The following IL1RAPL1 variants were observed in gnomAD, a reference collection of about 807,000 sequenced individuals.
IL1RAPL1 encodes the protein interleukin 1 receptor accessory protein like 1.
A neutral mutation model predicts 48.4 loss-of-function variants in IL1RAPL1; 3 were observed. That is an observed-to-expected ratio of 0.06 (90% CI 0.03 to 0.16). IL1RAPL1 has a LOEUF of 0.16. Ranked by LOEUF, IL1RAPL1 falls within the 10% of genes least tolerant of loss-of-function variation. IL1RAPL1 has a pLI of 1.00. For synonymous variants in IL1RAPL1, 185 were observed against 187.7 expected, an observed-to-expected ratio of 0.99 and a Z score of 0.12; for missense variants, 349 against 530.6, an observed-to-expected ratio of 0.66 and a Z score of 3.36.
chrX:29,273,545 G>A (rs1932074580), intron 2 of IL1RAPL1, among the ~76,000 whole-genome samples: 1 of 111,861 alleles, frequency 8.9e-6, no homozygotes, highest in Admixed American at 9.5e-5. Context: ...GCCACAACAC[G>A]CTGTTGGAGA....
chrX:28,949,199 G>C (rs182184113), intron 2 of IL1RAPL1, among the ~76,000 whole-genome samples: 1 of 110,619 alleles, frequency 9.0e-6, no homozygotes, highest in Non-Finnish European at 1.9e-5. Flanking sequence ...GCTATATTTT[G>C]TGTACTCATC....
intron 1 of IL1RAPL1, among the ~76,000 whole-genome samples, chrX:28,766,959 G>C (rs1219139804): frequency 9.0e-6 from 1 of 111,209 alleles, no homozygotes; most frequent in African/African-American, 3.3e-5. Context: ...CGCTTCAGTT[G>C]CTTTCAAATC....
At chrX:28,704,155 A>T (rs753489049) in intron 1 of IL1RAPL1, among the ~76,000 whole-genome samples, 1 of 111,868 alleles carries the variant, frequency 8.9e-6, no homozygotes, top group African/African-American at 3.2e-5. Flanking sequence ...ACCCTTATTT[A>T]TTTATACCTT....
chrX:28,873,642 C>G (rs1309590537), intron 2 of IL1RAPL1, among the ~76,000 whole-genome samples: 3 of 105,088 alleles, frequency 2.9e-5, no homozygotes, highest in Non-Finnish European at 5.8e-5. Context: ...CGCCATTCTC[C>G]TGCCTCAGCC....
At chrX:28,947,675 C>T (rs184060363) in intron 2 of IL1RAPL1, among the ~76,000 whole-genome samples, 15 of 111,215 alleles carry the variant, frequency 1.3e-4, no homozygotes, top group Admixed American at 9.6e-4. Flanking sequence ...CAAACCTGCA[C>T]GTTGTGCACA....
At chrX:29,479,874 T>A (rs985605796) in intron 5 of IL1RAPL1, among the ~76,000 whole-genome samples, 31 of 111,838 alleles carry the variant, frequency 2.8e-4, no homozygotes, top group African/African-American at 8.8e-4. Context: ...CTAAGTAGTA[T>A]TCCATGGTGT....
At chrX:28,726,252 C>G (rs1166443537) in intron 1 of IL1RAPL1, among the ~76,000 whole-genome samples, 1 of 111,737 alleles carries the variant, frequency 8.9e-6, no homozygotes. Context: ...CAGGTGACTC[C>G]AAATTTTTAC....
At chrX:28,616,027 C>T (rs1934215390) in intron 1 of IL1RAPL1, among the ~76,000 whole-genome samples, 1 of 112,540 alleles carries the variant, frequency 8.9e-6, no homozygotes, top group African/African-American at 3.2e-5. Context: ...AAGTGGAGCT[C>T]CTGAGTTCAT....
At chrX:28,894,708 C>T (rs1048545408) in intron 2 of IL1RAPL1, among the ~76,000 whole-genome samples, 7 of 110,726 alleles carry the variant, frequency 6.3e-5, no homozygotes, top group Admixed American at 9.6e-5. Context: ...AGCCGCTGCA[C>T]GCAGACATGA....
chrX:29,902,645 A>C (rs1932517488), intron 6 of IL1RAPL1, among the ~76,000 whole-genome samples: 1 of 110,526 alleles, frequency 9.0e-6, no homozygotes, highest in Non-Finnish European at 1.9e-5. Context: ...CATAATAGTA[A>C]TACTACTACT....
At chrX:29,487,891 C>G (rs984239516) in intron 5 of IL1RAPL1, among the ~76,000 whole-genome samples, 4 of 112,010 alleles carry the variant, frequency 3.6e-5, no homozygotes, top group African/African-American at 1.3e-4. Context: ...ACATCTCATA[C>G]TGAGTATTGT....
intron 2 of IL1RAPL1, among the ~76,000 whole-genome samples, chrX:28,938,383 C>A (rs941852847): frequency 1.8e-5 from 2 of 110,954 alleles, no homozygotes; most frequent in Non-Finnish European, 3.8e-5. Context: ...ACCATCTGAT[C>A]TTCAAACAAA....
chrX:29,605,458 A>AT (rs367980309), intron 5 of IL1RAPL1, among the ~76,000 whole-genome samples: 8 of 108,604 alleles, frequency 7.4e-5, no homozygotes, highest in Admixed American at 2.0e-4. Context: ...ATTCACCTAC[A>AT]TTTTTTTTTA....
At chrX:28,873,523 C>CTTTTTTTTTTTTTTTTTTTTTTTT (rs10554661) in intron 2 of IL1RAPL1, among the ~76,000 whole-genome samples, 3 of 56,661 alleles carry the variant, frequency 5.3e-5, no homozygotes, top group African/African-American at 2.4e-4. Context: ...TTCTTTCTTT[C>CTTTTTTTTTTTTTTTTTTTTTTTT]TTTTTTTTTT....
chrX:29,645,799 A>G (rs1224402024), intron 5 of IL1RAPL1, among the ~76,000 whole-genome samples: 1 of 111,978 alleles, frequency 8.9e-6, no homozygotes, highest in Non-Finnish European at 1.9e-5. Flanking sequence ...TTCTAGCCCT[A>G]TGCCAAGCTC....
chrX:28,697,405 CTTGT>C lies in IL1RAPL1; in HGVS notation c.-24-91912_-24-91909del, dbSNP rs746313094. On this transcript the variant is annotated intron_variant, in intron 1 of 10. Transcript: ENST00000378993. ...TTTGTCTGTTTTAGGCATCTACCATCTTGTTTAAGATGGATTTTCTTGTCTCTTA... is the reference window on the plus strand; with the variant it reads ...TTTGTCTGTTTTAGGCATCTACCATCTTAAGATGGATTTTCTTGTCTCTTA... Among the ~76,000 whole-genome samples, 53 of 110,905 alleles carry C rather than the reference CTTGT, an allele frequency of 4.8e-4. No individual in the cohort carries two copies. The South Asian group carries it at 0.013, about 27-fold the overall frequency.
chrX:29,387,545 G>A (rs1933794640), intron 3 of IL1RAPL1, among the ~76,000 whole-genome samples: 1 of 112,101 alleles, frequency 8.9e-6, no homozygotes, highest in African/African-American at 3.2e-5. Flanking sequence ...GTCAACTATG[G>A]TTAGAAGAAG....
chrX:29,552,645 A>AT (rs1036801736), intron 5 of IL1RAPL1, among the ~76,000 whole-genome samples: 2 of 110,926 alleles, frequency 1.8e-5, no homozygotes, highest in African/African-American at 6.5e-5. Context: ...ACTGGCCAGG[A>AT]TTTATTGATT....
At chrX:29,209,591 A>G (rs1448748542) in intron 2 of IL1RAPL1, among the ~76,000 whole-genome samples, 1 of 111,974 alleles carries the variant, frequency 8.9e-6, no homozygotes, top group African/African-American at 3.2e-5. Flanking sequence ...GCATCTGTAC[A>G]TATCTGCAAT....
Sources: allele counts gnomAD v4.1 joint callset (sites outside exome capture counted in the v4.1 genomes callset), GRCh38; gene constraint gnomAD v4.1.1; transcripts MANE v1.5; gene names NCBI Gene and HGNC (gene_info 2026-07-23, HGNC 2026-07-21).